AFF3: variants seen among roughly 807,000 people sequenced by gnomAD.
AFF3 encodes the protein ALF transcription elongation factor 3.
AFF3 carries 32 observed loss-of-function variants against 129.7 expected under a neutral mutation model. The observed-to-expected ratio is 0.25, with a 90% confidence interval of 0.19 to 0.33. AFF3 has a LOEUF of 0.33. AFF3 is among the 10% of genes least tolerant of loss of function. The pLI, the probability that AFF3 is intolerant of heterozygous loss-of-function variation, is 1.00. For synonymous variants in AFF3, 644 were observed against 635.4 expected, an observed-to-expected ratio of 1.01 and a Z score of -0.20; for missense variants, 1,373 against 1,592.0, an observed-to-expected ratio of 0.86 and a Z score of 2.34.
intron 12 of AFF3, among the ~76,000 whole-genome samples, chr2:99,670,455 C>T (rs1389132317): frequency 6.6e-6 from 1 of 152,060 alleles, no homozygotes; most frequent in African/African-American, 2.4e-5. Context: ...GTTTACGGTG[C>T]AAACTCTGAT....
intron 8 of AFF3, among the ~76,000 whole-genome samples, chr2:99,770,205 C>A (rs1683363489): frequency 6.6e-6 from 1 of 152,202 alleles, no homozygotes; most frequent in African/African-American, 2.4e-5. Flanking sequence ...AAGCCACAGT[C>A]CTTCCCATGG....
chr2:99,973,093 G>A lies in AFF3; in HGVS notation c.873+33539C>T, dbSNP rs964880462. On this transcript the variant is annotated intron_variant, in intron 7 of 24. Coordinates refer to ENST00000672756, the MANE Select transcript of AFF3 (RefSeq NM_001386135.1). Reference sequence around the variant, plus strand: ...AAAACAACACATGATACCTGTAATTGTTTTCCCTGGTTTACCTTGTGTCAT... The same window carrying A: ...AAAACAACACATGATACCTGTAATTATTTTCCCTGGTTTACCTTGTGTCAT... Among the ~76,000 whole-genome samples the A allele has an allele frequency of 1.3e-5, 2 of 152,114 alleles. 1 individual carries two copies. Among genetic ancestry groups the A allele is most frequent in the South Asian group, 4.1e-4 (2 of 4,826 alleles).
chr2:99,879,954 A>G (rs937236075), intron 7 of AFF3, among the ~76,000 whole-genome samples: 12 of 152,352 alleles, frequency 7.9e-5, no homozygotes, highest in Non-Finnish European at 1.2e-4. Flanking sequence ...AATATTATCT[A>G]AAATAACAAT....
At chr2:99,636,500 G>A (rs1683667425) in intron 13 of AFF3, among the ~76,000 whole-genome samples, 1 of 152,200 alleles carries the variant, frequency 6.6e-6, no homozygotes, top group Non-Finnish European at 1.5e-5. Context: ...AGTAAATACT[G>A]CCTCTCGGGA....
chr2:100,113,636 G>T (rs1318585715), intron 2 of AFF3, among the ~76,000 whole-genome samples: 3 of 152,200 alleles, frequency 2.0e-5, no homozygotes, highest in Non-Finnish European at 4.4e-5. Context: ...ACAGAAGCAT[G>T]TCTGTGGAGC....
At position 99,568,752 on chromosome 2, in the gene AFF3, G is replaced by A; in HGVS notation, c.2982+100C>T. 4 of 1,192,098 alleles carry A rather than the reference G, an allele frequency of 3.4e-6. No homozygotes were observed. The South Asian group carries it at 4.9e-5, about 15-fold the overall frequency. 73.8% of individuals were successfully genotyped at this position (1,192,098 alleles called of 1,614,324 possible). ...CCATTGAACAGACCCGGCCATCCTT[G>A]TAATAGATTTTATAATTACCCCAGC... On this transcript the variant is annotated intron_variant, in intron 19 of 24. Coordinates refer to ENST00000672756, the MANE Select transcript of AFF3 (RefSeq NM_001386135.1).
intron 4 of AFF3, among the ~76,000 whole-genome samples, chr2:100,041,423 G>C (rs1685422857): frequency 6.6e-6 from 1 of 152,164 alleles, no homozygotes; most frequent in African/African-American, 2.4e-5. Context: ...TCTGTGTTCA[G>C]ATGACAGGCA....
intron 13 of AFF3, among the ~76,000 whole-genome samples, chr2:99,617,402 G>A (rs1448979120): frequency 6.6e-6 from 1 of 152,198 alleles, no homozygotes; most frequent in Non-Finnish European, 1.5e-5. Flanking sequence ...TTCCCCAGAG[G>A]AAAATGATGT....
intron 13 of AFF3, among the ~76,000 whole-genome samples, chr2:99,629,091 C>T (rs1399140264): frequency 6.6e-6 from 1 of 152,134 alleles, no homozygotes; most frequent in Non-Finnish European, 1.5e-5. Flanking sequence ...CTCTTGACCT[C>T]AAGTGATCCA....
At chr2:99,719,451 T>C (rs1411572625) in intron 11 of AFF3, among the ~76,000 whole-genome samples, 1 of 152,224 alleles carries the variant, frequency 6.6e-6, no homozygotes, top group Non-Finnish European at 1.5e-5. Flanking sequence ...GGTTTTGGTA[T>C]CAGGGTTGTA....
At chr2:100,086,359 A>G (rs546108385) in intron 4 of AFF3, among the ~76,000 whole-genome samples, 213 of 151,552 alleles carry the variant, frequency 1.4e-3, no homozygotes, top group Non-Finnish European at 2.6e-3. Flanking sequence ...AGTCTCTACT[A>G]AATATACAAA....
chr2:99,583,393 C>G (rs1444374230), intron 16 of AFF3, among the ~76,000 whole-genome samples: 1 of 152,056 alleles, frequency 6.6e-6, no homozygotes, highest in Non-Finnish European at 1.5e-5. Context: ...ACATTTCTGT[C>G]TTTTTTTGAG....
chr2:100,025,794 G>T (rs114275081), intron 4 of AFF3, among the ~76,000 whole-genome samples: 4,493 of 152,272 alleles, frequency 0.03, 217 homozygotes, highest in African/African-American at 0.1. Flanking sequence ...AACATAAAAT[G>T]GGGAAAAGAC....
chr2:100,111,525 G>A (rs1411607498), intron 2 of AFF3, among the ~76,000 whole-genome samples: 1 of 152,118 alleles, frequency 6.6e-6, no homozygotes, highest in African/African-American at 2.4e-5. Context: ...TTGTTAACCT[G>A]GTTAAGTTGC....
At chr2:99,974,753 C>A (rs765315321) in intron 7 of AFF3, among the ~76,000 whole-genome samples, 3 of 152,170 alleles carry the variant, frequency 2.0e-5, no homozygotes, top group Non-Finnish European at 4.4e-5. Flanking sequence ...CATTTGTCAT[C>A]CATGGCAGAA....
intron 7 of AFF3, among the ~76,000 whole-genome samples, chr2:99,906,072 C>T (rs1694695488): frequency 6.6e-6 from 1 of 152,208 alleles, no homozygotes; most frequent in Admixed American, 6.5e-5. Context: ...ATTCCTACTA[C>T]TCCAGCCAGC....
intron 4 of AFF3, among the ~76,000 whole-genome samples, chr2:100,024,094 T>C (rs887487881): frequency 6.6e-6 from 1 of 150,536 alleles, no homozygotes; most frequent in Non-Finnish European, 1.5e-5. Context: ...TAGCCGGGCG[T>C]GGTGGCGGGC....
chr2:99,563,194 T>C (rs571476853), intron 20 of AFF3, among the ~76,000 whole-genome samples: 1 of 151,624 alleles, frequency 6.6e-6, no homozygotes, highest in East Asian at 2.0e-4. Flanking sequence ...GTTTTCTTTT[T>C]TTTTTTTCTT....
chr2:100,046,669 T>C (rs1685860615), intron 4 of AFF3, among the ~76,000 whole-genome samples: 1 of 152,216 alleles, frequency 6.6e-6, no homozygotes, highest in Non-Finnish European at 1.5e-5. Context: ...CAAGATTTAT[T>C]TTAGATAAAT....
Sources: gnomAD v4.1 joint callset for allele counts (sites outside exome capture counted in the v4.1 genomes callset) on GRCh38, gnomAD v4.1.1 for gene constraint, MANE v1.5 for transcripts, NCBI Gene and HGNC (gene_info 2026-07-23, HGNC 2026-07-21) for gene names.